Variants in UNC13C observed in about 807,000 individuals in gnomAD.
UNC13C encodes the protein protein unc-13 homolog C.
A neutral mutation model predicts 245.4 loss-of-function variants in UNC13C; 174 were observed. The observed-to-expected ratio is 0.71, with a 90% CI of 0.63 to 0.80. UNC13C has a LOEUF of 0.80. UNC13C is among the 30% of genes least tolerant of loss of function. UNC13C has a pLI of 0.00. For missense variants in UNC13C, 2,829 were observed against 2,602.9 expected, an observed-to-expected ratio of 1.09 and a Z score of -1.89; for synonymous variants, 992 against 895.1, an observed-to-expected ratio of 1.11 and a Z score of -1.93.
Position 54,015,649 on chromosome 15 carries a change from A to T in UNC13C, c.2746A>T (p.Thr916Ser), listed in dbSNP as rs1488668493. Residue 916 changes from threonine (T) to serine (S), a missense_variant, in exon 2 of 33, where the codon ACC becomes TCC. Coordinates refer to ENST00000260323, the MANE Select transcript of UNC13C (RefSeq NM_001080534.3). The part of the protein sequence containing the change: ...DHLSYETPYE[T>S]PQDEGYDGPA... ...CCTTTCATATGAAACACCTTATGAA[A>T]CCCCACAAGATGAGGGTTATGATGG... 17 of 1,613,530 alleles carry T rather than the reference A, an allele frequency of 1.1e-5. No homozygotes were observed. The highest frequency in any genetic ancestry group is 1.4e-5 in the Non-Finnish European group (17 of 1,179,724).
chr15:54,300,499 G>A (rs962280095), intron 13 of UNC13C, 126 bp downstream of exon 13: 5 of 939,836 alleles, frequency 5.3e-6, no homozygotes, highest in Non-Finnish European at 7.7e-6. Context: ...CACTGTGCAT[G>A]TTTGATGCTG....
At chr15:54,556,769 T>G (rs1276961667) in intron 29 of UNC13C, among the ~76,000 whole-genome samples, 1 of 151,872 alleles carries the variant, frequency 6.6e-6, no homozygotes, top group South Asian at 2.1e-4. Flanking sequence ...AGCTCTAGCA[T>G]GCACCATGAA....
intron 19 of UNC13C, among the ~76,000 whole-genome samples, chr15:54,463,270 G>C (rs79221676): frequency 1.5e-5 from 1 of 66,762 alleles, no homozygotes; most frequent in Non-Finnish European, 3.6e-5. Flanking sequence ...GTGGGCGGGG[G>C]GGGGGGGGGG....
intron 2 of UNC13C, among the ~76,000 whole-genome samples, chr15:54,120,634 A>G (rs2030601825): frequency 6.6e-6 from 1 of 152,122 alleles, no homozygotes; most frequent in South Asian, 2.1e-4. Flanking sequence ...ATAGTGATTT[A>G]TCAGATGAAT....
At chr15:54,141,472 T>C (rs1477003496) in intron 2 of UNC13C, among the ~76,000 whole-genome samples, 1 of 152,102 alleles carries the variant, frequency 6.6e-6, no homozygotes, top group East Asian at 1.9e-4. Flanking sequence ...TAATACTATA[T>C]GTAATACTTT....
chr15:54,214,440 A>G lies in UNC13C; in HGVS notation c.3072-20590A>G, dbSNP rs191872080. 6.6e-4 allele frequency among the ~76,000 whole-genome samples: 101 copies of G among 152,070 alleles called. 1 individual carries two copies. The South Asian group carries it at 0.019, about 29-fold the overall frequency. ...AGTCAGCTTTGAACTGTGAAACTAT[A>G]TAAGAGGATGCAAGAAACATTGTCT... On this transcript the variant is annotated intron_variant, in intron 4 of 32. Coordinates refer to ENST00000260323, the MANE Select transcript of UNC13C (RefSeq NM_001080534.3).
chr15:54,237,742 C>T, intron 7 of UNC13C, 52 bp downstream of exon 7: 2 of 1,404,502 alleles, frequency 1.4e-6, no homozygotes, highest in African/African-American at 1.4e-5. Flanking sequence ...CTCATAATCA[C>T]AAGGGAGAAA....
intron 28 of UNC13C, among the ~76,000 whole-genome samples, chr15:54,553,910 A>G (rs1896981940): frequency 6.6e-6 from 1 of 151,956 alleles, no homozygotes; most frequent in Non-Finnish European, 1.5e-5. Flanking sequence ...TTCCCCTATA[A>G]TTCAGCAAAC....
In UNC13C at chr15:54,083,126, T is replaced by C. The variant is rs143920520; in HGVS notation, c.2984-59892T>C. On this transcript the variant is annotated intron_variant, in intron 2 of 32. Coordinates refer to ENST00000260323, the MANE Select transcript of UNC13C (RefSeq NM_001080534.3). ...CCCACCCTGATGGGGAGAGACTGTG[T>C]TGGGGTGTTCTAGGTCCCTGGGGTA... Among the ~76,000 whole-genome samples the C allele has an allele frequency of 9.9e-5, 15 of 152,220 alleles. No individual in the cohort carries two copies. In the East Asian group the frequency reaches 2.9e-3, roughly 29 times the overall value.
In UNC13C at chr15:54,623,952, G is replaced by T. The variant is rs1287186514; in HGVS notation, c.6357G>T (p.Gln2119His). Residue 2119 changes from glutamine to histidine, a missense_variant and splice_region_variant, in exon 32 of 33, where the codon CAG becomes CAT. Transcript: ENST00000260323. The stretch of plus-strand genomic sequence containing the variant: ...CACCAAAGTACAATGAAACATTTCA[G>T]TTGTAAGTCATAAACCCACCTTACT... ...TWSPKYNETF[Q>H]FILGKENRPG... 4 of 1,612,960 alleles carry T rather than the reference G, an allele frequency of 2.5e-6. No homozygotes were observed. The South Asian group carries it at 4.4e-5, about 18-fold the overall frequency.
the UNC13C span, among the ~76,000 whole-genome samples, chr15:53,932,331 AC>A: frequency 5.1e-3 from 768 of 151,808 alleles, 3 homozygotes; most frequent in Non-Finnish European, 7.0e-3. Context: ...AACAACAACA[AC>A]AACAACAACA....
chr15:54,626,598 T>TAACA (rs1227097709), intron 32 of UNC13C, among the ~76,000 whole-genome samples: 1 of 152,164 alleles, frequency 6.6e-6, no homozygotes, highest in African/African-American at 2.4e-5. Flanking sequence ...TGATTAAGTG[T>TAACA]AACATAGTAT....
chr15:54,124,795 A>C (rs992873254), intron 2 of UNC13C, among the ~76,000 whole-genome samples: 2 of 151,830 alleles, frequency 1.3e-5, no homozygotes, highest in Admixed American at 1.3e-4. Flanking sequence ...TAATTTTTGC[A>C]AAAAATGTGA....
At chr15:54,093,981 TGCA>T (rs1899711511) in intron 2 of UNC13C, among the ~76,000 whole-genome samples, 1 of 36,978 alleles carries the variant, frequency 2.7e-5, no homozygotes. Flanking sequence ...CCAACTGGTG[TGCA>T]TTGAAACCTT....
intron 4 of UNC13C, among the ~76,000 whole-genome samples, chr15:54,189,205 A>G (rs2034097529): frequency 1.3e-5 from 2 of 152,178 alleles, no homozygotes; most frequent in Admixed American, 1.3e-4. Context: ...CGTCTGGAAT[A>G]AAATTAAAAT....
chr15:54,147,979 C>T (rs2032352778), intron 4 of UNC13C, among the ~76,000 whole-genome samples: 1 of 152,150 alleles, frequency 6.6e-6, no homozygotes, highest in African/African-American at 2.4e-5. Flanking sequence ...GTTCTCATAG[C>T]ACTAAGTTCC....
the UNC13C span, among the ~76,000 whole-genome samples, chr15:53,897,397 T>C: frequency 2.2e-3 from 337 of 152,326 alleles, no homozygotes; most frequent in African/African-American, 7.8e-3. Flanking sequence ...GGGAACTTTT[T>C]CGAGTACATG....
chr15:53,899,914 T>G, the UNC13C span, among the ~76,000 whole-genome samples: 85 of 152,282 alleles, frequency 5.6e-4, no homozygotes, highest in South Asian at 1.0e-3. Flanking sequence ...CTCACCCAGT[T>G]CTGCATGGTT....
chr15:54,450,583 T>C (rs1026720951), intron 19 of UNC13C, among the ~76,000 whole-genome samples: 1 of 152,226 alleles, frequency 6.6e-6, no homozygotes, highest in African/African-American at 2.4e-5. Flanking sequence ...ACGTGGGATA[T>C]AATCTCCTGG....
Sources: allele counts gnomAD v4.1 joint callset (sites outside exome capture counted in the v4.1 genomes callset), GRCh38; gene constraint gnomAD v4.1.1; transcripts MANE v1.5; gene names NCBI Gene and HGNC (gene_info 2026-07-23, HGNC 2026-07-21).